KHSRP: variants seen among roughly 807,000 people sequenced by gnomAD.
KHSRP encodes far upstream element-binding protein 2.
Under a neutral mutation model 94.9 loss-of-function variants are expected in KHSRP, and 13 were observed. The ratio of observed to expected loss-of-function variants is 0.14; its 90% CI spans 0.09 to 0.22. The LOEUF is 0.22. Among genes scored for constraint, KHSRP ranks in the 10% least tolerant of loss-of-function variants. KHSRP has a pLI of 1.00. For synonymous variants in KHSRP, 495 were observed against 401.4 expected, an observed-to-expected ratio of 1.23 and a Z score of -2.79; for missense variants, 710 against 1,010.0, an observed-to-expected ratio of 0.70 and a Z score of 4.03.
Position 6,414,073 on chromosome 19 carries a change from A to G in KHSRP, c.*951T>C, listed in dbSNP as rs887002938. ...CAAACAGAACAAAATGGAAAAAAAA[A>G]AGATTTTTCACAGATGAAGAAGTTC... On this transcript the variant is annotated 3_prime_UTR_variant, in exon 19 of 19. Coordinates refer to ENST00000600480, the MANE Select transcript of KHSRP (RefSeq NM_001366299.1). The G allele has an allele frequency of 5.0e-6, 8 of 1,602,398 alleles. No individual in the cohort carries two copies. In the African/African-American group the frequency reaches 1.1e-4, roughly 22 times the overall value.
rs368087231 is a variant in KHSRP at position 6,416,481 on chromosome 19, C to T, written c.1488+9G>A. On this transcript the variant is annotated intron_variant, in intron 14 of 18. Coordinates refer to ENST00000600480, the MANE Select transcript of KHSRP (RefSeq NM_001366299.1). ...TGAGACCAAATCCCCAGAGCCCGCC[C>T]CAACCCACCTCGATCTTTTCCTCGA... 1 of 1,612,574 alleles carries T rather than the reference C, an allele frequency of 6.2e-7. No homozygotes were observed. Among genetic ancestry groups the T allele is most frequent in the African/African-American group, 1.3e-5 (1 of 74,858 alleles).
chr19:6,416,703 G>A (rs779038302), intron 13 of KHSRP, 35 bp downstream of exon 13: 8 of 1,611,508 alleles, frequency 5.0e-6, no homozygotes, highest in Non-Finnish European at 6.8e-6. Context: ...CAGGGAAGAG[G>A]GGGCAAGGGA....
In KHSRP at chr19:6,416,265, G is replaced by A. The variant is rs774351695; in HGVS notation, c.1598+33C>T. On this transcript the variant is annotated intron_variant, in intron 15 of 18. Transcript: ENST00000600480. ...CTTCTTGCCAGCTCAGTAAGCCCCCGGCCTCAAAACCCAGGAGGCAGAGGA... is the reference window on the plus strand; with the variant it reads ...CTTCTTGCCAGCTCAGTAAGCCCCCAGCCTCAAAACCCAGGAGGCAGAGGA... 4.5e-5 allele frequency: 69 copies of A among 1,521,234 alleles called. No individual in the cohort carries two copies. The African/African-American group carries it at 5.1e-4, about 11-fold the overall frequency. The allele number at this position is 1,521,234 out of a possible 1,614,324, so 94.2% of individuals were successfully genotyped here. A position where few individuals can be genotyped will look rare whatever the true frequency, so the allele number is the denominator to read the frequency against.
chr19:6,419,735 A>G (rs1599242657), intron 6 of KHSRP, among the ~76,000 whole-genome samples: 1 of 152,078 alleles, frequency 6.6e-6, no homozygotes, highest in Admixed American at 6.5e-5. Context: ...TGTCCAAGGC[A>G]CCACCCTGTC....
At chr19:6,420,383 G>A (rs762064939) in intron 5 of KHSRP, 39 bp downstream of exon 5, 2 of 1,601,638 alleles carry the variant, frequency 1.2e-6, no homozygotes, top group Admixed American at 1.7e-5. Context: ...TCCTCCTGGG[G>A]AAGAGTGGGC....
intron 2 of KHSRP, among the ~76,000 whole-genome samples, 162 bp from the exon 3 acceptor site, chr19:6,421,850 A>T (rs1445544632): frequency 6.6e-6 from 1 of 152,198 alleles, no homozygotes; most frequent in African/African-American, 2.4e-5. Context: ...GAGGGAGGCC[A>T]GACCCCGCCA....
Position 6,418,144 on chromosome 19 carries a change from CG to C in KHSRP, c.880-66del. 1 of 1,418,918 alleles carries C rather than the reference CG, an allele frequency of 7.0e-7. No homozygotes were observed. 87.9% of individuals were successfully genotyped at this position (1,418,918 alleles called of 1,614,324 possible). On this transcript the variant is annotated intron_variant, in intron 9 of 18. Transcript: ENST00000600480. This position sits in a 1 kb window ranked among gnomAD's most constrained non-coding sequence, Gnocchi z 4.3. ...GCTGCCCCACACCCCCCCACCTCCT[CG>C]GGGGTGCGGGCCTCAACTAAGGACC...
At chr19:6,419,670 G>C (rs1459853751) in intron 6 of KHSRP, among the ~76,000 whole-genome samples, 1 of 152,250 alleles carries the variant, frequency 6.6e-6, no homozygotes, top group Non-Finnish European at 1.5e-5. Flanking sequence ...CCTGAGAGCA[G>C]ATGTGCAGCC....
At chr19:6,417,702 G>A (rs1174092670) in intron 11 of KHSRP, 37 bp downstream of exon 11, 4 of 1,562,186 alleles carry the variant, frequency 2.6e-6, no homozygotes, top group Non-Finnish European at 8.8e-7. Context: ...GAGGGTGGGG[G>A]TGCACTGGCC....
At position 6,424,707 on chromosome 19, in the gene KHSRP, G is replaced by C. The variant is rs2092222299; in HGVS notation, c.-6C>G. 1.9e-6 allele frequency: 2 copies of C among 1,034,886 alleles called. No homozygotes were observed. The highest frequency in any genetic ancestry group is 5.7e-5 in the Admixed American group (1 of 17,454). 64.1% of individuals were successfully genotyped at this position (1,034,886 alleles called of 1,614,324 possible). A position where few individuals can be genotyped will look rare whatever the true frequency, so the allele number is the denominator to read the frequency against. ...CCCGTGCTGTAGTCCGACATGGCGC[G>C]GCGGGGCCGGGCCTGGCGCGGAGGC... On this transcript the variant is annotated 5_prime_UTR_variant, in exon 1 of 19. Coordinates refer to ENST00000600480, the MANE Select transcript of KHSRP (RefSeq NM_001366299.1).
chr19:6,424,103 G>A (rs967207215), intron 1 of KHSRP: 1 of 152,186 alleles, frequency 6.6e-6, no homozygotes, highest in Non-Finnish European at 1.5e-5. Flanking sequence ...GGAGGGGAGA[G>A]TAAAGGCCCT....
Position 6,415,861 on chromosome 19 carries a change from T to G in KHSRP, c.1634A>C (p.Gln545Pro). 2.6e-6 allele frequency: 4 copies of G among 1,564,344 alleles called. No homozygotes were observed. The highest frequency in any genetic ancestry group is 3.5e-6 in the Non-Finnish European group (4 of 1,156,076). Residue 545 changes from glutamine (Q) to proline (P), a missense_variant, in exon 16 of 19, where the codon CAG (glutamine) becomes CCG (proline). Gln to Pro is a moderately conservative substitution (Grantham distance 76). This residue lies in a region of KHSRP where 292 missense variants were observed against 340.5 expected (regional missense o/e 0.86). Transcript: ENST00000600480. Reference protein sequence around the residue: ...GGPPPHQYPPQGWGNTYPQWQ... With the variant: ...GGPPPHQYPPPGWGNTYPQWQ... ...CTGGGGGTAGGTATTGCCCCAGCCC[T>G]GGGGTGGGTACTGGTGAGGAGGGGG...
rs748472349 is a variant in KHSRP, at chr19:6,414,181, G to C, written c.*843C>G. 5.0e-6 allele frequency: 8 copies of C among 1,589,168 alleles called. No homozygotes were observed. Among genetic ancestry groups the C allele is most frequent in the Non-Finnish European group, 6.8e-6 (8 of 1,168,280 alleles). ...GGGGAGGGAAGGGTGGGAGACTAGG[G>C]GGCGGAAGAGAGGAGGGGCTGGAAC... On this transcript the variant is annotated 3_prime_UTR_variant, in exon 19 of 19. Transcript: ENST00000600480.
At chr19:6,417,944 C>A (rs759007255) in intron 10 of KHSRP, 37 bp downstream of exon 10, 2 of 1,601,454 alleles carry the variant, frequency 1.2e-6, no homozygotes, top group Non-Finnish European at 8.6e-7. Context: ...CCTCCACTGG[C>A]GGGGGAGAGG....
rs2092219773 is a variant in KHSRP at position 6,424,459 on chromosome 19, G to A, written c.243C>T (p.Ala81=). ...KDAFADAVQR[A]RQIAAKIGGD... is the part of the protein sequence containing the mutation. ...AGGCCCTCGGCCTCCTCACCTGGCG[G>A]GCCCGCTGCACGGCGTCGGCGAAAG... The change falls in exon 1 of 19, where the codon GCC becomes GCT. Residue 81 remains alanine (A), a synonymous_variant. Coordinates refer to ENST00000600480, the MANE Select transcript of KHSRP (RefSeq NM_001366299.1). 4 of 991,342 alleles carry A rather than the reference G, an allele frequency of 4.0e-6. No homozygotes were observed. Among genetic ancestry groups the A allele is most frequent in the Non-Finnish European group, 4.8e-6 (4 of 835,276 alleles). The allele number at this position is 991,342 out of a possible 1,614,324, so 61.4% of individuals were successfully genotyped here. A position where few individuals can be genotyped will look rare whatever the true frequency, so the allele number is the denominator to read the frequency against.
chr19:6,418,334 C>A lies in KHSRP; in HGVS notation c.879+149G>T. The A allele has an allele frequency of 1.5e-6, 1 of 680,936 alleles. No individual in the cohort carries two copies. Among genetic ancestry groups the A allele is most frequent in the African/African-American group, 1.8e-5 (1 of 55,920 alleles). The allele number at this position is 680,936 out of a possible 1,614,324, so 42.2% of individuals were successfully genotyped here. A position where few individuals can be genotyped will look rare whatever the true frequency, so the allele number is the denominator to read the frequency against. ...AAGCTGGGAGTCAGTTCAGGGCCAT[C>A]CTACGAGCCAGCGCTCTTGCAAGCC... On this transcript the variant is annotated intron_variant, in intron 9 of 18. Coordinates refer to ENST00000600480, the MANE Select transcript of KHSRP (RefSeq NM_001366299.1). The surrounding 1 kb of genome is among the most constrained non-coding windows in gnomAD (Gnocchi z 4.3).
In KHSRP at chr19:6,415,873, T is replaced by C; in HGVS notation, c.1622A>G (p.Gln541Arg). 1 of 1,542,318 alleles carries C rather than the reference T, an allele frequency of 6.5e-7. No individual in the cohort carries two copies. The highest frequency in any genetic ancestry group is 8.7e-7 in the Non-Finnish European group (1 of 1,144,486). The change falls in exon 16 of 19, where the codon CAG becomes CGG. Residue 541 changes from glutamine to arginine, a missense_variant. Physicochemically the swap from Gln to Arg is conservative, Grantham distance 43. Transcript: ENST00000600480. ...ATTGCCCCAGCCCTGGGGTGGGTACTGGTGAGGAGGGGGCCCCCCGGCACT... is the reference window on the plus strand; with the variant it reads ...ATTGCCCCAGCCCTGGGGTGGGTACCGGTGAGGAGGGGGCCCCCCGGCACT... ...PPHAGGPPPH[Q>R]YPPQGWGNTY... is the part of the protein sequence containing the mutation.
chr19:6,416,903 G>A lies in KHSRP; in HGVS notation c.1183-21C>T, dbSNP rs375443868. The A allele has an allele frequency of 1.6e-5, 26 of 1,612,508 alleles. No individual in the cohort carries two copies. In the East Asian group the frequency reaches 4.0e-4, roughly 25 times the overall value. ...CCACTCTGCAAGACAAGAGGAGGAG[G>A]AGGATGATGAACCCTGGAAGCCGGT... On this transcript the variant is annotated intron_variant, in intron 12 of 18. Transcript: ENST00000600480.
chr19:6,421,557 G>T (rs996173527), intron 3 of KHSRP, 93 bp downstream of exon 3: 34 of 1,403,620 alleles, frequency 2.4e-5, no homozygotes, highest in Middle Eastern at 1.8e-4. Context: ...CCTCTGTAAA[G>T]AGCTGCCACC....
Sources: gnomAD v4.1 joint callset for allele counts (sites outside exome capture counted in the v4.1 genomes callset) on GRCh38, gnomAD v4.1.1 for gene constraint, gnomAD v4.1.1 regional missense constraint, Gnocchi (gnomAD v3.1) non-coding constraint, MANE v1.5 for transcripts, NCBI Gene and HGNC (gene_info 2026-07-23, HGNC 2026-07-21) for gene names.